The following GRIK3 variants were observed in gnomAD, a reference collection of about 807,000 sequenced individuals.
GRIK3 encodes the protein glutamate receptor ionotropic, kainate 3.
In GRIK3, 29 loss-of-function variants were observed where a neutral mutation model predicts 102.5. The ratio of observed to expected loss-of-function variants is 0.28; its 90% CI spans 0.21 to 0.39. The LOEUF is 0.39. Among genes scored for constraint, GRIK3 ranks in the 10% least tolerant of loss-of-function variants. GRIK3 has a pLI of 1.00. For missense variants in GRIK3, 908 were observed against 1,252.4 expected (o/e 0.73, Z 4.15); for synonymous variants, 511 against 504.9 (o/e 1.01, Z -0.16).
intron 1 of GRIK3, among the ~76,000 whole-genome samples, chr1:36,954,451 C>T (rs984862330): frequency 6.6e-6 from 1 of 152,204 alleles, no homozygotes; most frequent in African/African-American, 2.4e-5. Flanking sequence ...GTGAGAGTGG[C>T]CTGGAGGAGG....
intron 1 of GRIK3, among the ~76,000 whole-genome samples, chr1:36,978,723 C>A (rs550111538): frequency 2.0e-5 from 3 of 152,300 alleles, no homozygotes; most frequent in African/African-American, 4.8e-5. Flanking sequence ...ATCTAACATG[C>A]ACGCCAGGCT....
chr1:36,871,798 G>C (rs1375582266), intron 4 of GRIK3, among the ~76,000 whole-genome samples: 1 of 152,154 alleles, frequency 6.6e-6, no homozygotes, highest in African/African-American at 2.4e-5. Flanking sequence ...GGCATTCTGG[G>C]GGCTGTTCCT....
At chr1:36,887,311 A>T (rs922439796) in intron 2 of GRIK3, among the ~76,000 whole-genome samples, 2 of 152,224 alleles carry the variant, frequency 1.3e-5, no homozygotes, top group Non-Finnish European at 1.5e-5. Flanking sequence ...AAATACATTA[A>T]CCATAATGGA....
At chr1:36,846,791 G>A (rs1163169765) in intron 9 of GRIK3, among the ~76,000 whole-genome samples, 2 of 152,252 alleles carry the variant, frequency 1.3e-5, no homozygotes, top group Non-Finnish European at 1.5e-5. Flanking sequence ...ATTCTCTGGA[G>A]CATCTGGAGC....
intron 1 of GRIK3, among the ~76,000 whole-genome samples, chr1:36,902,672 G>A (rs550029332): frequency 1.3e-5 from 2 of 152,240 alleles, no homozygotes; most frequent in East Asian, 1.9e-4. Flanking sequence ...CCAAAGGCAC[G>A]ACCCATGAAA....
Position 36,872,985 on chromosome 1 carries a change from C to T in GRIK3, c.551-616G>A, listed in dbSNP as rs577479874. On this transcript the variant is annotated intron_variant, in intron 3 of 15. Coordinates refer to ENST00000373091, the MANE Select transcript of GRIK3 (RefSeq NM_000831.4). This position sits in a 1 kb window ranked among gnomAD's most constrained non-coding sequence, Gnocchi z 5.9. ...CTCGTCCTCACTAAGGGCAGTCTGC[C>T]TTGGTAAACCTTACCCACTTTTTCA... Among the ~76,000 whole-genome samples the T allele has an allele frequency of 6.6e-6, 1 of 152,370 alleles. No homozygotes were observed. The highest frequency in any genetic ancestry group is 6.5e-5 in the Admixed American group (1 of 15,312).
chr1:36,859,337 C>T, intron 6 of GRIK3, 86 bp from the exon 7 acceptor site: 1 of 1,395,052 alleles, frequency 7.2e-7, no homozygotes, highest in Non-Finnish European at 9.8e-7. Flanking sequence ...TCCTCCCTTG[C>T]CACAGGTACA....
At chr1:36,919,563 GAGTCAGGCATGGTCATGCCTGGCTA>G (rs1327227807) in intron 1 of GRIK3, among the ~76,000 whole-genome samples, 38 of 152,238 alleles carry the variant, frequency 2.5e-4, no homozygotes, top group African/African-American at 8.9e-4. Flanking sequence ...GAACAGGCAG[GAGTCAGGCATGGTCATGCCTGGCTA>G]AGTCACACCC....
At chr1:36,842,542 C>T (rs1233369387) in intron 9 of GRIK3, among the ~76,000 whole-genome samples, 1 of 152,184 alleles carries the variant, frequency 6.6e-6, no homozygotes, top group African/African-American at 2.4e-5. Context: ...TCCTGGATGC[C>T]GTTCTCTCTT....
At chr1:36,972,392 G>A (rs977339054) in intron 1 of GRIK3, among the ~76,000 whole-genome samples, 1 of 152,172 alleles carries the variant, frequency 6.6e-6, no homozygotes, top group Non-Finnish European at 1.5e-5. Flanking sequence ...ACAGGCTCAC[G>A]GCACCCCAGC....
rs77275487 is a variant in GRIK3 at position 36,841,856 on chromosome 1, T to C, written c.1410A>G (p.Leu470=). 4,470 of 1,614,132 alleles carry C rather than the reference T, an allele frequency of 2.8e-3. 135 individuals are homozygous for C. The East Asian group carries it at 0.072, about 26-fold the overall frequency. The change falls in exon 10 of 16, where the codon CTA becomes CTG. Residue 470 remains leucine, a synonymous_variant. Transcript: ENST00000373091. ...DRFEGYCIDL[L]KELAHILGFS... Reference sequence around the variant, plus strand: ...AACCAAGGATGTGGGCCAGCTCCTTTAGCAGGTCGATGCAGTAGCCCTCGA... The same window carrying C: ...AACCAAGGATGTGGGCCAGCTCCTTCAGCAGGTCGATGCAGTAGCCCTCGA...
Position 36,804,979 on chromosome 1 carries a change from A to G in GRIK3, c.2565+8T>C, listed in dbSNP as rs779398931. 53 of 1,614,036 alleles carry G rather than the reference A, an allele frequency of 3.3e-5. No individual in the cohort carries two copies. The highest frequency in any genetic ancestry group is 4.3e-5 in the Non-Finnish European group (51 of 1,179,966). Reference sequence around the variant, plus strand: ...CATCCTGTGCAGGCTCCAAGCTCTAAGGCTTACCTGCTCTCTCTCTGCTGT... The same window carrying G: ...CATCCTGTGCAGGCTCCAAGCTCTAGGGCTTACCTGCTCTCTCTCTGCTGT... On this transcript the variant is annotated splice_region_variant and intron_variant, in intron 15 of 15. Transcript: ENST00000373091.
chr1:36,877,070 G>T (rs1570774660), intron 3 of GRIK3, among the ~76,000 whole-genome samples: 1 of 152,200 alleles, frequency 6.6e-6, no homozygotes, highest in Non-Finnish European at 1.5e-5. Context: ...CAGGCCATCA[G>T]AGCTGAGAAT....
intron 1 of GRIK3, among the ~76,000 whole-genome samples, chr1:36,936,025 A>G (rs1173848932): frequency 6.6e-6 from 1 of 152,178 alleles, no homozygotes; most frequent in Non-Finnish European, 1.5e-5. Context: ...GAAAACAGAA[A>G]ACTACAAACA....
At chr1:36,874,221 C>T (rs1640887555) in intron 3 of GRIK3, among the ~76,000 whole-genome samples, 1 of 152,212 alleles carries the variant, frequency 6.6e-6, no homozygotes, top group African/African-American at 2.4e-5. Flanking sequence ...GTACACACCC[C>T]TGAGTCTGTT....
intron 1 of GRIK3, among the ~76,000 whole-genome samples, chr1:37,008,254 C>G (rs61768879): frequency 6.6e-6 from 1 of 152,104 alleles, no homozygotes; most frequent in East Asian, 1.9e-4. Flanking sequence ...CTACCCTTAC[C>G]GAGCGGGGTT....
chr1:36,806,265 A>T lies in GRIK3; in HGVS notation c.2153T>A (p.Leu718Gln). The T allele has an allele frequency of 6.2e-7, 1 of 1,614,204 alleles. No homozygotes were observed. Among genetic ancestry groups the T allele is most frequent in the Non-Finnish European group, 8.5e-7 (1 of 1,180,022 alleles). ...WAFMSSKPSA[L>Q]VKNNEEGIQR... ...GATGCCCTCCTCGTTGTTCTTCACC[A>T]GCGCCGATGGCTTGCTGCTCATGAA... is the stretch of plus-strand genomic sequence containing the variant. Residue 718 changes from leucine to glutamine, a missense_variant, in exon 14 of 16, where the codon CTG becomes CAG. By Grantham distance (113) the Leu-to-Gln change is moderately radical. Coordinates refer to ENST00000373091, the MANE Select transcript of GRIK3 (RefSeq NM_000831.4). The surrounding 1 kb of genome is among the most constrained non-coding windows in gnomAD (Gnocchi z 4.0).
rs511852 is a variant in GRIK3, at chr1:36,890,868, G to C, written c.292+52C>G. The C allele has an allele frequency of 2.6e-3, 3,743 of 1,419,700 alleles. 70 individuals carry two copies. The African/African-American group carries it at 0.043, about 16-fold the overall frequency. The allele number at this position is 1,419,700 out of a possible 1,614,324, so 87.9% of individuals were successfully genotyped here. A position where few individuals can be genotyped will look rare whatever the true frequency, so the allele number is the denominator to read the frequency against. ...CAGGATCTTGGACAGCAAATGCAGC[G>C]CTTCCCCTCCCCAGGCTGGGAAGAG... On this transcript the variant is annotated intron_variant, in intron 2 of 15. Coordinates refer to ENST00000373091, the MANE Select transcript of GRIK3 (RefSeq NM_000831.4).
Position 36,951,204 on chromosome 1 carries a change from G to A in GRIK3, c.116-60108C>T, listed in dbSNP as rs146295617. ...GGACATTAGAGTCCTCTGAGGGTCA[G>A]GACATGTGAGCAGAGACTGAGACTA... On this transcript the variant is annotated intron_variant, in intron 1 of 15. Coordinates refer to ENST00000373091, the MANE Select transcript of GRIK3 (RefSeq NM_000831.4). Among the ~76,000 whole-genome samples the A allele has an allele frequency of 2.4e-3, 365 of 152,354 alleles. 1 individual carries two copies. Among genetic ancestry groups the A allele is most frequent in the Middle Eastern group, 0.024 (7 of 294 alleles).
Sources: gnomAD v4.1 joint callset for allele counts (sites outside exome capture counted in the v4.1 genomes callset) on GRCh38, gnomAD v4.1.1 for gene constraint, Gnocchi (gnomAD v3.1) non-coding constraint, MANE v1.5 for transcripts, NCBI Gene and HGNC (gene_info 2026-07-23, HGNC 2026-07-21) for gene names.